The following COL22A1 variants were observed in gnomAD, a reference collection of about 807,000 sequenced individuals.
COL22A1 encodes collagen alpha-1(XXII) chain.
COL22A1 carries 221 observed loss-of-function variants against 248.9 expected under a neutral mutation model. The observed-to-expected ratio is 0.89, with a 90% CI of 0.80 to 0.99. COL22A1 has a LOEUF of 0.99. Among genes scored for constraint, COL22A1 ranks in the 50% least tolerant of loss-of-function variants. The pLI, the probability that COL22A1 is intolerant of heterozygous loss-of-function variation, is 0.00. For synonymous variants in COL22A1, 891 were observed against 793.4 expected (o/e 1.12, Z -2.07); for missense variants, 2,240 against 2,179.0 (o/e 1.03, Z -0.56).
At chr8:138,669,244 G>A (rs1166810562) in intron 41 of COL22A1, among the ~76,000 whole-genome samples, 2 of 152,210 alleles carry the variant, frequency 1.3e-5, no homozygotes, top group African/African-American at 2.4e-5. Flanking sequence ...GAAAACGCAC[G>A]AGTGATGCAG....
intron 55 of COL22A1, among the ~76,000 whole-genome samples, chr8:138,615,298 A>T (rs1288640593): frequency 6.6e-6 from 1 of 152,170 alleles, no homozygotes; most frequent in Non-Finnish European, 1.5e-5. Flanking sequence ...TGGGAGACCG[A>T]GGCAGGTGGA....
At chr8:138,724,779 C>T in intron 24 of COL22A1, 111 bp from the exon 25 acceptor site, 1 of 969,688 alleles carries the variant, frequency 1.0e-6, no homozygotes, top group South Asian at 1.3e-5. Flanking sequence ...GGAGGGCACC[C>T]TGGGGCCTCT....
At chr8:138,696,145 G>A (rs1827486316) in intron 32 of COL22A1, among the ~76,000 whole-genome samples, 1 of 152,192 alleles carries the variant, frequency 6.6e-6, no homozygotes, top group Non-Finnish European at 1.5e-5. Context: ...AACAGCACAG[G>A]TTTGCAGAGT....
chr8:138,760,746 G>A (rs905883238), intron 17 of COL22A1, among the ~76,000 whole-genome samples: 2 of 152,172 alleles, frequency 1.3e-5, no homozygotes, highest in African/African-American at 4.8e-5. Flanking sequence ...TAGGGCCACA[G>A]GGAAATCAAA....
At chr8:138,757,748 A>G (rs1833139320) in intron 18 of COL22A1, among the ~76,000 whole-genome samples, 1 of 152,222 alleles carries the variant, frequency 6.6e-6, no homozygotes, top group Non-Finnish European at 1.5e-5. Flanking sequence ...GCACAGATAC[A>G]CCGAGTAACT....
chr8:138,786,179 T>C (rs1815499687), intron 12 of COL22A1, among the ~76,000 whole-genome samples: 1 of 152,140 alleles, frequency 6.6e-6, no homozygotes, highest in Non-Finnish European at 1.5e-5. Flanking sequence ...GGCGTGTTGG[T>C]TTTAGATGGC....
intron 53 of COL22A1, among the ~76,000 whole-genome samples, chr8:138,618,407 G>A (rs1372689333): frequency 6.6e-6 from 1 of 152,146 alleles, no homozygotes; most frequent in African/African-American, 2.4e-5. Flanking sequence ...TGACAGATGG[G>A]TCTTGCCCCC....
intron 51 of COL22A1, 23 bp from the exon 52 acceptor site, chr8:138,623,808 T>A: frequency 6.2e-7 from 1 of 1,608,300 alleles, no homozygotes; most frequent in Non-Finnish European, 8.5e-7. Flanking sequence ...CTCAAATTGG[T>A]TATCAGGTCA....
chr8:138,664,286 A>G (rs1469020772), intron 41 of COL22A1, among the ~76,000 whole-genome samples: 1 of 147,898 alleles, frequency 6.8e-6, no homozygotes, highest in African/African-American at 2.5e-5. Context: ...TGGGTCTGGC[A>G]TCCTCCACTG....
chr8:138,802,968 T>G lies in COL22A1; in HGVS notation c.1495-34A>C, dbSNP rs1439760263. The G allele has an allele frequency of 1.3e-5, 21 of 1,577,102 alleles. No individual in the cohort carries two copies. In the East Asian group the frequency reaches 4.7e-4, roughly 35 times the overall value. On this transcript the variant is annotated intron_variant, in intron 10 of 64. Transcript: ENST00000303045. ...TTGAGACCAGAGACAAGCATCAGAT[T>G]AGGTTTCCCGACAGGGCTCTTGCAC...
chr8:138,865,151 C>T lies in COL22A1; in HGVS notation c.658+12599G>A, dbSNP rs561691531. The stretch of plus-strand genomic sequence containing the variant: ...CAGATATTTCCCAAGAGTAGACAGA[C>T]AGTCAAAATGCAGACAGAGTTTTAA... On this transcript the variant is annotated intron_variant, in intron 3 of 64. Transcript: ENST00000303045. 1.7e-3 allele frequency among the ~76,000 whole-genome samples: 264 copies of T among 152,312 alleles called. 1 individual carries two copies. The highest frequency in any genetic ancestry group is 6.2e-3 in the African/African-American group (256 of 41,576).
At chr8:138,595,237 G>A (rs555548449) in intron 62 of COL22A1, among the ~76,000 whole-genome samples, 1 of 152,282 alleles carries the variant, frequency 6.6e-6, no homozygotes, top group Non-Finnish European at 1.5e-5. Flanking sequence ...CAGGAGGACA[G>A]GTGGTTGGCT....
chr8:138,727,555 A>T (rs1431412368), intron 23 of COL22A1, among the ~76,000 whole-genome samples: 1 of 152,208 alleles, frequency 6.6e-6, no homozygotes, highest in Non-Finnish European at 1.5e-5. Context: ...CTGCATGGCC[A>T]CTAGAGGGCG....
chr8:138,755,607 T>TG (rs1832932943), intron 19 of COL22A1, 96 bp from the exon 20 acceptor site: 1 of 1,434,318 alleles, frequency 7.0e-7, no homozygotes, highest in African/African-American at 1.4e-5. Flanking sequence ...TCACAGGCCA[T>TG]GCTGTCATGT....
intron 47 of COL22A1, among the ~76,000 whole-genome samples, chr8:138,639,887 AG>A (rs1329009826): frequency 6.6e-6 from 1 of 152,232 alleles, no homozygotes; most frequent in African/African-American, 2.4e-5. Context: ...CCTGCCATGA[AG>A]ATGTGAGAAG....
At chr8:138,780,882 G>A (rs751807154) in intron 13 of COL22A1, 45 bp downstream of exon 13, 6 of 1,535,340 alleles carry the variant, frequency 3.9e-6, no homozygotes, top group Admixed American at 1.7e-5. Flanking sequence ...GAGATCACCA[G>A]CCTAGTACTG....
chr8:138,647,333 C>G (rs1822293466), intron 46 of COL22A1, among the ~76,000 whole-genome samples: 1 of 152,222 alleles, frequency 6.6e-6, no homozygotes, highest in African/African-American at 2.4e-5. Context: ...CCAAAACAAC[C>G]CAGCGAAACC....
At chr8:138,808,469 T>C (rs1174471973) in intron 9 of COL22A1, among the ~76,000 whole-genome samples, 1 of 152,232 alleles carries the variant, frequency 6.6e-6, no homozygotes, top group African/African-American at 2.4e-5. Context: ...TAGCGGTTCA[T>C]GTAGTTATTG....
At chr8:138,735,866 G>C in intron 23 of COL22A1, among the ~76,000 whole-genome samples, 1 of 152,134 alleles carries the variant, frequency 6.6e-6, no homozygotes, top group Non-Finnish European at 1.5e-5. Context: ...CAGTGTTTTC[G>C]GGATGAGTGC....
Sources: allele counts gnomAD v4.1 joint callset (sites outside exome capture counted in the v4.1 genomes callset), GRCh38; gene constraint gnomAD v4.1.1; transcripts MANE v1.5; gene names NCBI Gene and HGNC (gene_info 2026-07-23, HGNC 2026-07-21).